SORCS1: variants seen among roughly 807,000 people sequenced by gnomAD.
SORCS1 encodes the protein sortilin related VPS10 domain containing receptor 1, also known as VPS10 domain-containing receptor SorCS1.
In SORCS1, 60 loss-of-function variants were observed where a neutral mutation model predicts 146.1. The observed-to-expected ratio is 0.41, with a 90% confidence interval of 0.33 to 0.51. The LOEUF is 0.51. Ranked by LOEUF, SORCS1 falls within the 20% of genes least tolerant of loss-of-function variation. The pLI is 0.21. For missense variants in SORCS1, 1,352 were observed against 1,487.6 expected (o/e 0.91, Z 1.50); for synonymous variants, 637 against 584.0 (o/e 1.09, Z -1.31).
At chr10:106,612,372 C>T (rs1847060885) in intron 21 of SORCS1, among the ~76,000 whole-genome samples, 1 of 136,514 alleles carries the variant, frequency 7.3e-6, no homozygotes, top group Admixed American at 7.3e-5. Context: ...TCTGTCTCCC[C>T]CTTTCCCCCT....
At chr10:106,646,626 G>A (rs1849455164) in intron 18 of SORCS1, among the ~76,000 whole-genome samples, 2 of 152,170 alleles carry the variant, frequency 1.3e-5, no homozygotes, top group African/African-American at 4.8e-5. Context: ...ACCCCAGGAG[G>A]CAGAGGTTGC....
At chr10:106,910,397 T>C (rs1439669395) in intron 2 of SORCS1, among the ~76,000 whole-genome samples, 1 of 151,944 alleles carries the variant, frequency 6.6e-6, no homozygotes, top group Non-Finnish European at 1.5e-5. Context: ...GACAGTATCA[T>C]ATTATGGGGT....
At chr10:106,850,446 GCA>G (rs1385719969) in intron 2 of SORCS1, among the ~76,000 whole-genome samples, 1 of 151,916 alleles carries the variant, frequency 6.6e-6, no homozygotes, top group Non-Finnish European at 1.5e-5. Context: ...GCTTCGGCTC[GCA>G]CACGGTGCGC....
At chr10:107,150,575 C>T (rs1343784891) in intron 1 of SORCS1, among the ~76,000 whole-genome samples, 2 of 152,204 alleles carry the variant, frequency 1.3e-5, no homozygotes, top group East Asian at 3.8e-4. Context: ...CTTCTATGCC[C>T]TTGATTTGAT....
At chr10:106,703,218 G>C (rs1442400186) in intron 8 of SORCS1, among the ~76,000 whole-genome samples, 2 of 151,000 alleles carry the variant, frequency 1.3e-5, no homozygotes, top group African/African-American at 4.9e-5. Flanking sequence ...TGACAAACCA[G>C]CCCAAGGTTT....
chr10:106,650,983 A>G (rs1274465534), intron 18 of SORCS1, among the ~76,000 whole-genome samples: 1 of 152,018 alleles, frequency 6.6e-6, no homozygotes, highest in Non-Finnish European at 1.5e-5. Flanking sequence ...TCCAGAGTTT[A>G]TTTATGTGAA....
intron 1 of SORCS1, among the ~76,000 whole-genome samples, chr10:107,118,232 A>G (rs538528543): frequency 6.6e-6 from 1 of 152,302 alleles, no homozygotes; most frequent in South Asian, 2.1e-4. Flanking sequence ...TCTCTGAACC[A>G]GGATGTGGGC....
intron 3 of SORCS1, among the ~76,000 whole-genome samples, chr10:106,797,053 G>A (rs1236804631): frequency 6.6e-6 from 1 of 152,174 alleles, no homozygotes; most frequent in African/African-American, 2.4e-5. Context: ...GTTGCAGTAA[G>A]CCGGGATCAC....
chr10:106,954,778 C>A (rs1301416292), intron 2 of SORCS1, among the ~76,000 whole-genome samples: 1 of 152,146 alleles, frequency 6.6e-6, no homozygotes, highest in Non-Finnish European at 1.5e-5. Flanking sequence ...GCACCTCCCC[C>A]ATTTTGAGCC....
At chr10:107,180,939 T>C in the SORCS1 span, among the ~76,000 whole-genome samples, 2 of 152,214 alleles carry the variant, frequency 1.3e-5, no homozygotes, top group African/African-American at 4.8e-5. Flanking sequence ...CTGTACTGAA[T>C]ACTGTAGGCA....
chr10:106,839,759 T>C (rs1340601411), intron 2 of SORCS1, among the ~76,000 whole-genome samples: 1 of 152,194 alleles, frequency 6.6e-6, no homozygotes, highest in Non-Finnish European at 1.5e-5. Context: ...GCTAATGCAA[T>C]TGGTGACTTT....
intron 1 of SORCS1, among the ~76,000 whole-genome samples, chr10:107,138,478 C>G (rs1018026681): frequency 6.6e-6 from 1 of 152,308 alleles, no homozygotes; most frequent in African/African-American, 2.4e-5. Context: ...AGTAATCCTA[C>G]CTTCCAGTAA....
chr10:107,112,490 C>T (rs796789671), intron 1 of SORCS1, among the ~76,000 whole-genome samples: 1 of 151,886 alleles, frequency 6.6e-6, no homozygotes, highest in African/African-American at 2.4e-5. Context: ...AACAAAGGAA[C>T]TACAAAATTG....
At chr10:106,713,447 T>G (rs1366433337) in intron 6 of SORCS1, among the ~76,000 whole-genome samples, 1 of 147,260 alleles carries the variant, frequency 6.8e-6, no homozygotes, top group African/African-American at 2.7e-5. Context: ...TTCTTTTCCT[T>G]AAGACCCTGT....
At chr10:106,841,405 G>T (rs950857509) in intron 2 of SORCS1, among the ~76,000 whole-genome samples, 1 of 152,058 alleles carries the variant, frequency 6.6e-6, no homozygotes, top group African/African-American at 2.4e-5. Flanking sequence ...AGGAGGTGGA[G>T]GTTGAAATGA....
chr10:106,929,707 G>C (rs559648531), intron 2 of SORCS1, among the ~76,000 whole-genome samples: 29 of 152,226 alleles, frequency 1.9e-4, no homozygotes, highest in African/African-American at 6.0e-4. Flanking sequence ...TTTTGGAGTA[G>C]TCAGCAAGGT....
chr10:107,143,658 C>A (rs1968037746), intron 1 of SORCS1, among the ~76,000 whole-genome samples: 1 of 152,058 alleles, frequency 6.6e-6, no homozygotes. Context: ...CACGCGCCAC[C>A]ACACCAGGCT....
chr10:106,874,112 C>T (rs1217062291), intron 2 of SORCS1, among the ~76,000 whole-genome samples: 1 of 152,202 alleles, frequency 6.6e-6, no homozygotes, highest in Non-Finnish European at 1.5e-5. Flanking sequence ...CTCACTGCAT[C>T]TAAGAGCCAG....
At chr10:107,118,076 T>C (rs992752234) in intron 1 of SORCS1, among the ~76,000 whole-genome samples, 1 of 152,256 alleles carries the variant, frequency 6.6e-6, no homozygotes, top group Non-Finnish European at 1.5e-5. Context: ...TTATCCCCAG[T>C]GCAATGATAT....
Sources: allele counts gnomAD v4.1 joint callset (sites outside exome capture counted in the v4.1 genomes callset), GRCh38; gene constraint gnomAD v4.1.1; transcripts MANE v1.5; gene names NCBI Gene and HGNC (gene_info 2026-07-23, HGNC 2026-07-21).